IRX3: variants seen among roughly 807,000 people sequenced by gnomAD.
IRX3 encodes the protein iroquois-class homeodomain protein IRX-3.
A neutral mutation model predicts 36.4 loss-of-function variants in IRX3; 20 were observed. The ratio of observed to expected loss-of-function variants is 0.55; its 90% confidence interval spans 0.39 to 0.80. The LOEUF is 0.80. IRX3 is among the 30% of genes least tolerant of loss of function. The pLI is 0.00. For missense variants in IRX3, 718 were observed against 733.2 expected, an observed-to-expected ratio of 0.98 and a Z score of 0.24; for synonymous variants, 404 against 351.6, an observed-to-expected ratio of 1.15 and a Z score of -1.67.
chr16:54,285,476 G>A lies in IRX3; in HGVS notation c.405C>T (p.Thr135=), dbSNP rs1208091543. 3 of 1,614,030 alleles carry A rather than the reference G, an allele frequency of 1.9e-6. No homozygotes were observed. The highest frequency in any genetic ancestry group is 2.5e-6 in the Non-Finnish European group (3 of 1,180,038). ...CCTTCAGCGTGCTGGTGCTCTCCCT[G>A]GTGGCGTTCTTGGGACGGGACGGGT... ...FGDPSRPKNA[T]RESTSTLKAW... Residue 135 remains threonine (T), a synonymous_variant, in exon 2 of 4, where the codon ACC becomes ACT. Coordinates refer to ENST00000329734, the MANE Select transcript of IRX3 (RefSeq NM_024336.3). This position sits in a 1 kb window ranked among gnomAD's most constrained non-coding sequence, Gnocchi z 5.7.
Position 54,285,970 on chromosome 16 carries a change from G to T in IRX3, c.81C>A (p.Gly27=). The part of the protein sequence containing the change: ...SERPGAAGGS[G]GSAGARGGLG... Reference sequence around the variant, plus strand: ...GGCCGCCCCGGGCCCCCGCGCTGCCGCCGCTGCCGCCAGCGGCCCCCGGGC... The same window carrying T: ...GGCCGCCCCGGGCCCCCGCGCTGCCTCCGCTGCCGCCAGCGGCCCCCGGGC... Residue 27 remains glycine, a synonymous_variant, in exon 1 of 4, where the codon GGC becomes GGA. Transcript: ENST00000329734. This position sits in a 1 kb window ranked among gnomAD's most constrained non-coding sequence, Gnocchi z 5.7. The T allele has an allele frequency of 7.2e-7, 1 of 1,388,360 alleles. No homozygotes were observed. The highest frequency in any genetic ancestry group is 1.7e-5 in the South Asian group (1 of 57,586). The allele number at this position is 1,388,360 out of a possible 1,614,324, so 86.0% of individuals were successfully genotyped here.
chr16:54,286,162 C>G lies in IRX3; in HGVS notation c.-112G>C. On this transcript the variant is annotated 5_prime_UTR_variant, in exon 1 of 4. Coordinates refer to ENST00000329734, the MANE Select transcript of IRX3 (RefSeq NM_024336.3). ...GGGCTGGGCCGGGCTTGGGGCCGCG[C>G]TGCCGCCCGCGCTGCGCTGTGCTCC... 2 of 1,064,498 alleles carry G rather than the reference C, an allele frequency of 1.9e-6. No homozygotes were observed. The highest frequency in any genetic ancestry group is 4.4e-4 in the Middle Eastern group (1 of 2,274). 65.9% of individuals were successfully genotyped at this position (1,064,498 alleles called of 1,614,324 possible). A position where few individuals can be genotyped will look rare whatever the true frequency, so the allele number is the denominator to read the frequency against.
chr16:54,285,866 G>C lies in IRX3; in HGVS notation c.185C>G (p.Ala62Gly). The C allele has an allele frequency of 6.5e-7, 1 of 1,542,304 alleles. No individual in the cohort carries two copies. Among genetic ancestry groups the C allele is most frequent in the Non-Finnish European group, 8.7e-7 (1 of 1,146,038 alleles). The stretch of plus-strand genomic sequence containing the variant: ...GGCGGCGGCGGCCGCAGCGGCCGCG[G>C]CGTAGGGCGCCCCGTACACGGACGA... Reference protein sequence around the residue: ...VLSSVYGAPYAAAAAAAAAQG... With the variant: ...VLSSVYGAPYGAAAAAAAAQG... The change falls in exon 1 of 4, where the codon GCC becomes GGC. Residue 62 changes from alanine (A) to glycine (G), a missense_variant. Around this residue, in one of 3 missense-constraint regions of IRX3, gnomAD observed 204 missense variants for 181.4 expected, o/e 1.12. Transcript: ENST00000329734. This position sits in a 1 kb window ranked among gnomAD's most constrained non-coding sequence, Gnocchi z 5.7.
At position 54,283,571 on chromosome 16, in the gene IRX3, A is replaced by T. The variant is rs925030016; in HGVS notation, c.*115T>A. On this transcript the variant is annotated 3_prime_UTR_variant, in exon 4 of 4. Transcript: ENST00000329734. This position sits in a 1 kb window ranked among gnomAD's most constrained non-coding sequence, Gnocchi z 4.4. Reference sequence around the variant, plus strand: ...ACTTTCTTTGTTTAGTTTTGCTTTTAGGTATTTATACACGGACATGCTTAC... The same window carrying T: ...ACTTTCTTTGTTTAGTTTTGCTTTTTGGTATTTATACACGGACATGCTTAC... 1.2e-5 allele frequency: 7 copies of T among 599,676 alleles called. No individual in the cohort carries two copies. Among genetic ancestry groups the T allele is most frequent in the African/African-American group, 7.5e-5 (4 of 53,506 alleles). The allele number at this position is 599,676 out of a possible 1,614,324, so 37.1% of individuals were successfully genotyped here. A position where few individuals can be genotyped will look rare whatever the true frequency, so the allele number is the denominator to read the frequency against.
chr16:54,283,565 G>T lies in IRX3; in HGVS notation c.*121C>A. 1.7e-6 allele frequency: 1 copy of T among 589,728 alleles called. No individual in the cohort carries two copies. Among genetic ancestry groups the T allele is most frequent in the East Asian group, 2.8e-5 (1 of 35,142 alleles). The allele number at this position is 589,728 out of a possible 1,614,324, so 36.5% of individuals were successfully genotyped here. On this transcript the variant is annotated 3_prime_UTR_variant, in exon 4 of 4. Transcript: ENST00000329734. The surrounding 1 kb of genome is among the most constrained non-coding windows in gnomAD (Gnocchi z 4.4). ...TTTCTTACTTTCTTTGTTTAGTTTTGCTTTTAGGTATTTATACACGGACAT... is the reference window on the plus strand; with the variant it reads ...TTTCTTACTTTCTTTGTTTAGTTTTTCTTTTAGGTATTTATACACGGACAT...
At position 54,284,619 on chromosome 16, in the gene IRX3, C is replaced by G; in HGVS notation, c.1262G>C (p.Arg421Pro). 12 of 1,359,852 alleles carry G rather than the reference C, an allele frequency of 8.8e-6. No homozygotes were observed. The highest frequency in any genetic ancestry group is 1.1e-5 in the Non-Finnish European group (12 of 1,062,094). The allele number at this position is 1,359,852 out of a possible 1,614,324, so 84.2% of individuals were successfully genotyped here. ...GCCCAGCAGGGAGAGCGGGTGCAGG[C>G]GGGGGCCGGGCGGTGGGCCTGGAAA... ...RPFPGPPPGPRLHPLSLLGSA... is the reference protein window; with the variant it reads ...RPFPGPPPGPPLHPLSLLGSA... The change falls in exon 2 of 4, where the codon CGC becomes CCC. Residue 421 changes from arginine (R) to proline (P), a missense_variant. Arg to Pro is a moderately radical substitution (Grantham distance 103). This residue lies in a region of IRX3 where 468 missense variants were observed against 462.1 expected (regional missense o/e 1.01). Transcript: ENST00000329734. The surrounding 1 kb of genome is among the most constrained non-coding windows in gnomAD (Gnocchi z 4.0).
Position 54,284,649 on chromosome 16 carries a change from C to A in IRX3, c.1232G>T (p.Arg411Leu). The A allele has an allele frequency of 7.2e-7, 1 of 1,380,098 alleles. No individual in the cohort carries two copies. Among genetic ancestry groups the A allele is most frequent in the Non-Finnish European group, 9.3e-7 (1 of 1,078,690 alleles). The allele number at this position is 1,380,098 out of a possible 1,614,324, so 85.5% of individuals were successfully genotyped here. A position where few individuals can be genotyped will look rare whatever the true frequency, so the allele number is the denominator to read the frequency against. The change falls in exon 2 of 4, where the codon CGG becomes CTG. Residue 411 changes from arginine (R) to leucine (L), a missense_variant. Around this residue, in one of 3 missense-constraint regions of IRX3, gnomAD observed 468 missense variants for 462.1 expected, o/e 1.01. Transcript: ENST00000329734. The surrounding 1 kb of genome is among the most constrained non-coding windows in gnomAD (Gnocchi z 4.0). Reference protein sequence around the residue: ...PLGKFPAWTNRPFPGPPPGPR... With the variant: ...PLGKFPAWTNLPFPGPPPGPR... ...GCCGGGCGGTGGGCCTGGAAACGGC[C>A]GGTTGGTCCAAGCCGGGAACTTGCC...
rs896816852 is a variant in IRX3 at position 54,285,298 on chromosome 16, G to A, written c.583C>T (p.Pro195Ser). 6.2e-7 allele frequency: 1 copy of A among 1,614,122 alleles called. No individual in the cohort carries two copies. The highest frequency in any genetic ancestry group is 8.5e-7 in the Non-Finnish European group (1 of 1,180,036). The change falls in exon 2 of 4, where the codon CCT becomes TCT. Residue 195 changes from proline (P) to serine (S), a missense_variant. By Grantham distance (74) the Pro-to-Ser change is moderately conservative. This residue lies in a region of IRX3 where 468 missense variants were observed against 462.1 expected (regional missense o/e 1.01). Transcript: ENST00000329734. This position sits in a 1 kb window ranked among gnomAD's most constrained non-coding sequence, Gnocchi z 5.7. ...LKKENKMTWA[P>S]RSRTDEEGNA... ...CCCTCCTCGTCAGTGCGGCTGCGAG[G>A]CGCCCAAGTCATCTTATTCTCCTTC... is the stretch of plus-strand genomic sequence containing the variant.
Position 54,283,653 on chromosome 16 carries a change from A to T in IRX3, c.*33T>A, listed in dbSNP as rs1244192524. The T allele has an allele frequency of 2.0e-6, 2 of 1,020,278 alleles. No homozygotes were observed. Among genetic ancestry groups the T allele is most frequent in the South Asian group, 2.7e-5 (2 of 73,064 alleles). 63.2% of individuals were successfully genotyped at this position (1,020,278 alleles called of 1,614,324 possible). A position where few individuals can be genotyped will look rare whatever the true frequency, so the allele number is the denominator to read the frequency against. On this transcript the variant is annotated 3_prime_UTR_variant, in exon 4 of 4. Transcript: ENST00000329734. This position sits in a 1 kb window ranked among gnomAD's most constrained non-coding sequence, Gnocchi z 4.4. Reference sequence around the variant, plus strand: ...TACAATTATTACAACGATTAAAAAAAGTTTTTTTTGTTTTTTTGTTTTTTT... The same window carrying T: ...TACAATTATTACAACGATTAAAAAATGTTTTTTTTGTTTTTTTGTTTTTTT...
chr16:54,283,866 C>T lies in IRX3; in HGVS notation c.1452-126G>A, dbSNP rs1199976207. ...AAGGTGTCGCAATGTAAAATTATGT[C>T]CAGTTGTAGATGTGTGTGTTGGGGT... On this transcript the variant is annotated intron_variant, in intron 3 of 3. Coordinates refer to ENST00000329734, the MANE Select transcript of IRX3 (RefSeq NM_024336.3). This position sits in a 1 kb window ranked among gnomAD's most constrained non-coding sequence, Gnocchi z 4.4. 6.5e-7 allele frequency: 1 copy of T among 1,535,918 alleles called. No homozygotes were observed. The highest frequency in any genetic ancestry group is 1.4e-5 in the African/African-American group (1 of 72,160).
In IRX3 at chr16:54,285,103, C is replaced by T. The variant is rs1385250981; in HGVS notation, c.778G>A (p.Asp260Asn). Residue 260 changes from aspartate to asparagine, a missense_variant, in exon 2 of 4, where the codon GAC becomes AAC. Physicochemically the swap from Asp to Asn is conservative, Grantham distance 23. Around this residue, in one of 3 missense-constraint regions of IRX3, gnomAD observed 468 missense variants for 462.1 expected, o/e 1.01. Transcript: ENST00000329734. The surrounding 1 kb of genome is among the most constrained non-coding windows in gnomAD (Gnocchi z 5.7). ...AGCTCAGGCTCGGTGGCCGCGCCGT[C>T]TAAGTTCTCCAAATCGATCTCCTCG... is the stretch of plus-strand genomic sequence containing the variant. ...EDEEIDLENL[D>N]GAATEPELSL... The T allele has an allele frequency of 6.2e-7, 1 of 1,613,720 alleles. No individual in the cohort carries two copies. The highest frequency in any genetic ancestry group is 8.5e-7 in the Non-Finnish European group (1 of 1,179,990).
chr16:54,284,504 G>A lies in IRX3; in HGVS notation c.1377C>T (p.Gly459=), dbSNP rs1409694978. The change falls in exon 2 of 4, where the codon GGC becomes GGT. Residue 459 remains glycine, a synonymous_variant. Transcript: ENST00000329734. The surrounding 1 kb of genome is among the most constrained non-coding windows in gnomAD (Gnocchi z 4.0). The part of the protein sequence containing the change: ...AAFARPAEPE[G]GTDRCSALEV... ...CCAGCGCTCAGCAGTCACCTGTTCC[G>A]CCTTCGGGCTCCGCTGGCCGAGCGA... 1.4e-6 allele frequency: 2 copies of A among 1,404,096 alleles called. No homozygotes were observed. The highest frequency in any genetic ancestry group is 3.5e-5 in the Admixed American group (1 of 28,856). 87.0% of individuals were successfully genotyped at this position (1,404,096 alleles called of 1,614,324 possible).
chr16:54,283,673 T>C lies in IRX3; in HGVS notation c.*13A>G. On this transcript the variant is annotated 3_prime_UTR_variant, in exon 4 of 4. Transcript: ENST00000329734. This position sits in a 1 kb window ranked among gnomAD's most constrained non-coding sequence, Gnocchi z 4.4. ...AAAAAAGTTTTTTTTGTTTTTTTGT[T>C]TTTTTTAAAGAACTAGGATGAGGAG... 8.0e-7 allele frequency: 1 copy of C among 1,247,092 alleles called. No homozygotes were observed. The highest frequency in any genetic ancestry group is 1.2e-6 in the Non-Finnish European group (1 of 855,442). 77.3% of individuals were successfully genotyped at this position (1,247,092 alleles called of 1,614,324 possible).
Position 54,285,540 on chromosome 16 carries a change from T to G in IRX3, c.341A>C (p.His114Pro). ...CTGGCCATACGGGTAGAAGGCGGGGTGCGGGTGCGGAAACGCGGCAGCCGC... is the reference window on the plus strand; with the variant it reads ...CTGGCCATACGGGTAGAAGGCGGGGGGCGGGTGCGGAAACGCGGCAGCCGC... ...PAAAAAFPHP[H>P]PAFYPYGQYQ... Residue 114 changes from histidine (H) to proline (P), a missense_variant, in exon 2 of 4, where the codon CAC becomes CCC. By Grantham distance (77) the His-to-Pro change is moderately conservative (BLOSUM62 -2). Coordinates refer to ENST00000329734, the MANE Select transcript of IRX3 (RefSeq NM_024336.3). This position sits in a 1 kb window ranked among gnomAD's most constrained non-coding sequence, Gnocchi z 5.7. 1 of 1,608,798 alleles carries G rather than the reference T, an allele frequency of 6.2e-7. No homozygotes were observed. The highest frequency in any genetic ancestry group is 8.5e-7 in the Non-Finnish European group (1 of 1,177,318).
chr16:54,285,685 C>A lies in IRX3; in HGVS notation c.268-72G>T. On this transcript the variant is annotated intron_variant, in intron 1 of 3. Transcript: ENST00000329734. This position sits in a 1 kb window ranked among gnomAD's most constrained non-coding sequence, Gnocchi z 5.7. Reference sequence around the variant, plus strand: ...GTGAGCCCCAGCCATCGCTGCCTCCCCCCTCCTGGCCTGCACCCCTCTAGT... The same window carrying A: ...GTGAGCCCCAGCCATCGCTGCCTCCACCCTCCTGGCCTGCACCCCTCTAGT... The A allele has an allele frequency of 6.9e-7, 1 of 1,459,686 alleles. No homozygotes were observed. Among genetic ancestry groups the A allele is most frequent in the Middle Eastern group, 2.1e-4 (1 of 4,786 alleles). The allele number at this position is 1,459,686 out of a possible 1,614,324, so 90.4% of individuals were successfully genotyped here. A position where few individuals can be genotyped will look rare whatever the true frequency, so the allele number is the denominator to read the frequency against.
In IRX3 at chr16:54,283,967, ACCCG is replaced by A; in HGVS notation, c.1452-231_1452-228del. On this transcript the variant is annotated intron_variant, in intron 3 of 3. Transcript: ENST00000329734. The surrounding 1 kb of genome is among the most constrained non-coding windows in gnomAD (Gnocchi z 4.4). ...AAGAGGTGGGCGTCAGAGAACCGCC[ACCCG>A]CCCCAGGGGCCTGTGGGCCCAGCCA... The A allele has an allele frequency of 1.0e-6, 1 of 985,060 alleles. No homozygotes were observed. The allele number at this position is 985,060 out of a possible 1,614,324, so 61.0% of individuals were successfully genotyped here.
At position 54,283,842 on chromosome 16, in the gene IRX3, A is replaced by G. The variant is rs956440162; in HGVS notation, c.1452-102T>C. 3 of 1,561,792 alleles carry G rather than the reference A, an allele frequency of 1.9e-6. No individual in the cohort carries two copies. The highest frequency in any genetic ancestry group is 2.6e-6 in the Non-Finnish European group (3 of 1,153,836). ...CTTGGATTGGGGCCGATCGTCAGGA[A>G]GGTGTCGCAATGTAAAATTATGTCC... On this transcript the variant is annotated intron_variant, in intron 3 of 3. Transcript: ENST00000329734. The surrounding 1 kb of genome is among the most constrained non-coding windows in gnomAD (Gnocchi z 4.4).
In IRX3 at chr16:54,284,931, A is replaced by T; in HGVS notation, c.950T>A (p.Val317Glu). 7 of 1,602,850 alleles carry T rather than the reference A, an allele frequency of 4.4e-6. No homozygotes were observed. Among genetic ancestry groups the T allele is most frequent in the South Asian group, 2.2e-5 (2 of 89,684 alleles). The change falls in exon 2 of 4, where the codon GTG becomes GAG. Residue 317 changes from valine to glutamate, a missense_variant. Val to Glu is a moderately radical substitution (Grantham distance 121). Around this residue, in one of 3 missense-constraint regions of IRX3, gnomAD observed 468 missense variants for 462.1 expected, o/e 1.01. Coordinates refer to ENST00000329734, the MANE Select transcript of IRX3 (RefSeq NM_024336.3). The surrounding 1 kb of genome is among the most constrained non-coding windows in gnomAD (Gnocchi z 4.0). ...VLSLAPAPPP[V>E]AVASPSLPSP... Reference sequence around the variant, plus strand: ...CGGCAGAGACGGCGAGGCCACGGCCACTGGTGGTGGCGCTGGAGCCAGACT... The same window carrying T: ...CGGCAGAGACGGCGAGGCCACGGCCTCTGGTGGTGGCGCTGGAGCCAGACT...
Position 54,286,187 on chromosome 16 carries a change from C to T in IRX3, c.-137G>A. 9.7e-7 allele frequency: 1 copy of T among 1,034,906 alleles called. No homozygotes were observed. The highest frequency in any genetic ancestry group is 1.2e-6 in the Non-Finnish European group (1 of 861,460). The allele number at this position is 1,034,906 out of a possible 1,614,324, so 64.1% of individuals were successfully genotyped here. A position where few individuals can be genotyped will look rare whatever the true frequency, so the allele number is the denominator to read the frequency against. ...CTGCCGCCCGCGCTGCGCTGTGCTC[C>T]GCGTTCGCCTATTGATCTGCTCCGC... On this transcript the variant is annotated 5_prime_UTR_variant, in exon 1 of 4. Coordinates refer to ENST00000329734, the MANE Select transcript of IRX3 (RefSeq NM_024336.3).
Sources: allele counts gnomAD v4.1 joint callset, GRCh38; gene constraint gnomAD v4.1.1; regional missense constraint gnomAD v4.1.1; non-coding constraint Gnocchi (gnomAD v3.1); transcripts MANE v1.5; gene names NCBI Gene and HGNC (gene_info 2026-07-23, HGNC 2026-07-21).